Variants in INSC observed in about 807,000 individuals in gnomAD.
INSC encodes protein inscuteable homolog.
Under a neutral mutation model 58.6 loss-of-function variants are expected in INSC, and 67 were observed. The observed-to-expected ratio is 1.14, with a 90% CI of 0.94 to 1.40. The LOEUF (loss-of-function observed/expected upper bound fraction) is 1.40, where lower values mean the gene tolerates loss of function less well. Among genes scored for constraint, INSC ranks in the 40% most tolerant of loss-of-function variants. INSC has a pLI of 0.00. For synonymous variants in INSC, 262 were observed against 276.1 expected, an observed-to-expected ratio of 0.95 and a Z score of 0.51; for missense variants, 714 against 692.0, an observed-to-expected ratio of 1.03 and a Z score of -0.36.
chr11:15,176,871 C>T (rs1849590329), intron 3 of INSC, among the ~76,000 whole-genome samples: 1 of 152,184 alleles, frequency 6.6e-6, no homozygotes, highest in African/African-American at 2.4e-5. Flanking sequence ...CCCCTTCTTT[C>T]CTGAAGCTTC....
At chr11:15,118,007 C>T (rs1163907483) in intron 1 of INSC, among the ~76,000 whole-genome samples, 1 of 152,186 alleles carries the variant, frequency 6.6e-6, no homozygotes, top group Non-Finnish European at 1.5e-5. Context: ...TGACCCTTGC[C>T]CTAAGCCTGG....
chr11:15,227,512 A>G (rs1321471652), intron 9 of INSC, among the ~76,000 whole-genome samples: 1 of 152,210 alleles, frequency 6.6e-6, no homozygotes, highest in Non-Finnish European at 1.5e-5. Context: ...GAATTATCCA[A>G]AATCCTCAAC....
chr11:15,149,063 T>C (rs1848565658), intron 1 of INSC, 67 bp from the exon 2 acceptor site: 1 of 1,475,354 alleles, frequency 6.8e-7, no homozygotes, highest in East Asian at 2.5e-5. Flanking sequence ...GGCCTGGGAC[T>C]GGGAGAGAAA....
upstream of INSC, among the ~76,000 whole-genome samples, chr11:15,114,355 T>C (rs571044078): frequency 1.1e-3 from 169 of 152,056 alleles, no homozygotes; most frequent in African/African-American, 4.0e-3. Flanking sequence ...GAGGGTGACT[T>C]AGGTGTGTGT....
chr11:15,210,794 G>A (rs1186130831), intron 7 of INSC, among the ~76,000 whole-genome samples: 1 of 152,056 alleles, frequency 6.6e-6, no homozygotes, highest in Non-Finnish European at 1.5e-5. Context: ...AGTTTGGAGG[G>A]GAGCAGGGTA....
At chr11:15,228,244 C>T (rs1043280200) in intron 9 of INSC, among the ~76,000 whole-genome samples, 1 of 152,150 alleles carries the variant, frequency 6.6e-6, no homozygotes, top group Non-Finnish European at 1.5e-5. Context: ...ATGACCTCTT[C>T]CATCTTGAAC....
chr11:15,113,133 CTTTCTTTCTTTCTG>C (rs1413152887), upstream of INSC, among the ~76,000 whole-genome samples: 5 of 125,252 alleles, frequency 4.0e-5, no homozygotes, highest in African/African-American at 1.5e-4. Context: ...TTCTTTCTTT[CTTTCTTTCTTTCTG>C]TCTCTCTCTC....
At chr11:15,250,212 T>A (rs370994247), downstream of INSC, among the ~76,000 whole-genome samples, 14 of 150,804 alleles carry the variant, frequency 9.3e-5, no homozygotes, top group East Asian at 5.8e-4. Flanking sequence ...GATTCCTCCA[T>A]GAGTTAAAAA....
At chr11:15,240,594 G>A in intron 12 of INSC, 71 bp downstream of exon 12, 2 of 1,306,672 alleles carry the variant, frequency 1.5e-6, no homozygotes, top group Non-Finnish European at 2.2e-6. Flanking sequence ...AGGAGAACCG[G>A]CTGTGCTGTG....
intron 1 of INSC, among the ~76,000 whole-genome samples, chr11:15,142,930 T>C (rs1848406962): frequency 6.6e-6 from 1 of 150,586 alleles, no homozygotes; most frequent in Non-Finnish European, 1.5e-5. Context: ...GTGCATATGG[T>C]ATGCAAAGGC....
At chr11:15,129,574 C>T (rs565625731) in intron 1 of INSC, among the ~76,000 whole-genome samples, 1 of 152,262 alleles carries the variant, frequency 6.6e-6, no homozygotes, top group East Asian at 1.9e-4. Context: ...TAATGTTTTA[C>T]AGTTTTCTCA....
chr11:15,226,452 A>G (rs1390903385), intron 9 of INSC, among the ~76,000 whole-genome samples: 1 of 152,152 alleles, frequency 6.6e-6, no homozygotes, highest in African/African-American at 2.4e-5. Flanking sequence ...GAATGGGGGT[A>G]TTTTAAAGGC....
intron 2 of INSC, among the ~76,000 whole-genome samples, chr11:15,174,621 ACT>A (rs1294899277): frequency 6.6e-6 from 1 of 152,188 alleles, no homozygotes; most frequent in East Asian, 1.9e-4. Flanking sequence ...TAATCAGAAT[ACT>A]GTTACAAGCC....
At chr11:15,160,749 A>T (rs1241519350) in intron 2 of INSC, among the ~76,000 whole-genome samples, 1 of 152,192 alleles carries the variant, frequency 6.6e-6, no homozygotes, top group Non-Finnish European at 1.5e-5. Context: ...GGCTCATAAG[A>T]GTGAAAACAG....
chr11:15,199,485 G>A (rs551472396), intron 6 of INSC, among the ~76,000 whole-genome samples: 8 of 152,288 alleles, frequency 5.3e-5, no homozygotes, highest in African/African-American at 1.2e-4. Flanking sequence ...TGGTGAACCC[G>A]TGCTGGGCTT....
At chr11:15,209,149 C>T (rs1372626095) in intron 7 of INSC, among the ~76,000 whole-genome samples, 1 of 152,200 alleles carries the variant, frequency 6.6e-6, no homozygotes, top group Non-Finnish European at 1.5e-5. Flanking sequence ...CAGCCTGGCA[C>T]TGAAGGTGCC....
At chr11:15,239,663 TA>T (rs1250629657) in intron 11 of INSC, among the ~76,000 whole-genome samples, 2 of 152,042 alleles carry the variant, frequency 1.3e-5, no homozygotes, top group African/African-American at 4.8e-5. Context: ...AGGTGACAGA[TA>T]AAAAAAGAGA....
At chr11:15,139,138 C>T (rs763697411) in intron 1 of INSC, among the ~76,000 whole-genome samples, 1 of 152,280 alleles carries the variant, frequency 6.6e-6, no homozygotes, top group Middle Eastern at 3.4e-3. Flanking sequence ...AACCTGGGTC[C>T]TCATAATGAC....
chr11:15,221,339 C>T (rs2024916470), intron 7 of INSC, 138 bp from the exon 8 acceptor site: 1 of 958,434 alleles, frequency 1.0e-6, no homozygotes, highest in Non-Finnish European at 1.6e-6. Context: ...CCTGGTTCCA[C>T]ATGGGGTCCT....
Sources: gnomAD v4.1 joint callset for allele counts (sites outside exome capture counted in the v4.1 genomes callset) on GRCh38, gnomAD v4.1.1 for gene constraint, MANE v1.5 for transcripts, NCBI Gene and HGNC (gene_info 2026-07-23, HGNC 2026-07-21) for gene names.